CRYBA1: variants seen among roughly 807,000 people sequenced by gnomAD.
The protein encoded by CRYBA1 is beta-crystallin A3.
Under a neutral mutation model 36.2 loss-of-function variants are expected in CRYBA1, and 25 were observed. The observed-to-expected ratio is 0.69, with a 90% confidence interval of 0.50 to 0.97. The LOEUF is 0.97. Among genes scored for constraint, CRYBA1 ranks in the 50% least tolerant of loss-of-function variants. The pLI, the probability that CRYBA1 is intolerant of heterozygous loss-of-function variation, is 0.00. For synonymous variants in CRYBA1, 111 were observed against 90.0 expected, an observed-to-expected ratio of 1.23 and a Z score of -1.32; for missense variants, 224 against 276.3, an observed-to-expected ratio of 0.81 and a Z score of 1.34.
At chr17:29,251,845 T>C (rs1312211438) in intron 3 of CRYBA1, among the ~76,000 whole-genome samples, 1 of 152,170 alleles carries the variant, frequency 6.6e-6, no homozygotes, top group Non-Finnish European at 1.5e-5. Flanking sequence ...AGATAGACCT[T>C]TTCAGTGATA....
In CRYBA1 at chr17:29,254,437, A is replaced by G; in HGVS notation, c.*88A>G. 5.0e-6 allele frequency: 7 copies of G among 1,407,662 alleles called. No individual in the cohort carries two copies. Among genetic ancestry groups the G allele is most frequent in the South Asian group, 1.2e-5 (1 of 85,472 alleles). The allele number at this position is 1,407,662 out of a possible 1,614,324, so 87.2% of individuals were successfully genotyped here. On this transcript the variant is annotated 3_prime_UTR_variant, in exon 6 of 6. Coordinates refer to ENST00000225387, the MANE Select transcript of CRYBA1 (RefSeq NM_005208.5). ...TAAGTTTTATGTTCTGCTCACAGAC[A>G]TTGCTTTCAAATGTTAGCTGCTGAA...
chr17:29,248,416 G>A (rs1156525359), intron 1 of CRYBA1, among the ~76,000 whole-genome samples: 1 of 149,806 alleles, frequency 6.7e-6, no homozygotes, highest in Admixed American at 6.7e-5. Context: ...CCAAGCTGGA[G>A]TGCAGTGGCA....
intron 1 of CRYBA1, among the ~76,000 whole-genome samples, chr17:29,248,468 G>A (rs1185071862): frequency 2.7e-5 from 4 of 150,868 alleles, no homozygotes; most frequent in African/African-American, 4.9e-5. Flanking sequence ...GGGTTCAAGC[G>A]ATTCTCCTGC....
At chr17:29,252,343 A>T (rs2068941255) in intron 4 of CRYBA1, 138 bp downstream of exon 4, 2 of 1,243,094 alleles carry the variant, frequency 1.6e-6, no homozygotes, top group South Asian at 2.6e-5. Context: ...AAGAGAAAAC[A>T]TCACTTTCTT....
intron 1 of CRYBA1, 112 bp downstream of exon 1, chr17:29,247,006 G>A: frequency 8.3e-7 from 1 of 1,209,584 alleles, no homozygotes; most frequent in Non-Finnish European, 1.2e-6. Context: ...TAGGGTGGCT[G>A]GAGAAGAGTG....
At position 29,254,260 on chromosome 17, in the gene CRYBA1, C is replaced by T; in HGVS notation, c.559C>T (p.His187Tyr). The change falls in exon 6 of 6, where the codon CAT becomes TAT. Residue 187 changes from histidine (H) to tyrosine (Y), a missense_variant. Transcript: ENST00000225387. ...GTATCAGTATATCTTGGAATGTGAC[C>T]ATCATGGAGGAGACTATAAACATTG... ...RGYQYILECD[H>Y]HGGDYKHWRE... 1 of 1,613,992 alleles carries T rather than the reference C, an allele frequency of 6.2e-7. No homozygotes were observed. Among genetic ancestry groups the T allele is most frequent in the Non-Finnish European group, 8.5e-7 (1 of 1,179,970 alleles).
chr17:29,249,023 C>T, intron 1 of CRYBA1, 119 bp from the exon 2 acceptor site: 1 of 754,278 alleles, frequency 1.3e-6, no homozygotes, highest in Non-Finnish European at 2.4e-6. Flanking sequence ...AGCAGCAGAG[C>T]CAGAATTTCA....
rs1341785101 is a variant in CRYBA1, at chr17:29,253,581, TGAA to T, written c.358-55_358-53del. 8.6e-6 allele frequency: 12 copies of T among 1,398,724 alleles called. No homozygotes were observed. In the African/African-American group the frequency reaches 1.4e-4, roughly 17 times the overall value. The allele number at this position is 1,398,724 out of a possible 1,614,324, so 86.6% of individuals were successfully genotyped here. The stretch of plus-strand genomic sequence containing the variant: ...AAAAGTGTTTCAATTTTGAAAAACA[TGAA>T]GAATGATAGCCATAGCACTAGTACT... On this transcript the variant is annotated intron_variant, in intron 4 of 5. Coordinates refer to ENST00000225387, the MANE Select transcript of CRYBA1 (RefSeq NM_005208.5).
At chr17:29,247,218 T>G (rs1436676071) in intron 1 of CRYBA1, among the ~76,000 whole-genome samples, 2 of 152,116 alleles carry the variant, frequency 1.3e-5, no homozygotes, top group Non-Finnish European at 2.9e-5. Flanking sequence ...AGAGTTGACA[T>G]GCATCATTCC....
At chr17:29,249,096 C>A (rs776317220) in intron 1 of CRYBA1, 46 bp from the exon 2 acceptor site, 4 of 1,293,414 alleles carry the variant, frequency 3.1e-6, no homozygotes, top group East Asian at 4.6e-5. Context: ...CTCACCTCCC[C>A]CTCCTCCCAA....
intron 1 of CRYBA1, among the ~76,000 whole-genome samples, chr17:29,248,345 T>C (rs1175057673): frequency 6.6e-6 from 1 of 151,522 alleles, no homozygotes; most frequent in East Asian, 2.0e-4. Flanking sequence ...CCTGCATTAT[T>C]GTTTCTGATC....
In CRYBA1 at chr17:29,250,165, A is replaced by G. The variant is rs774390331; in HGVS notation, c.97-17A>G. 5 of 1,370,850 alleles carry G rather than the reference A, an allele frequency of 3.6e-6. No homozygotes were observed. In the Admixed American group the frequency reaches 8.4e-5, roughly 23 times the overall value. 84.9% of individuals were successfully genotyped at this position (1,370,850 alleles called of 1,614,324 possible). On this transcript the variant is annotated splice_polypyrimidine_tract_variant and intron_variant, in intron 2 of 5. Transcript: ENST00000225387. The stretch of plus-strand genomic sequence containing the variant: ...CCTGATGTTCTAGCTCTCTTGCGCC[A>G]TTCAATCTCATTTCAGATAACCATC...
chr17:29,251,303 C>T (rs1012873129), intron 3 of CRYBA1, among the ~76,000 whole-genome samples: 2 of 152,078 alleles, frequency 1.3e-5, no homozygotes, highest in East Asian at 1.9e-4. Context: ...AATACCATAA[C>T]GATAGCTGAT....
At chr17:29,250,377 G>C (rs1567670831) in intron 3 of CRYBA1, 77 bp downstream of exon 3, 5 of 859,112 alleles carry the variant, frequency 5.8e-6, no homozygotes, top group Admixed American at 1.7e-5. Context: ...GTGGGGATAG[G>C]GGAAGAAGGA....
intron 1 of CRYBA1, among the ~76,000 whole-genome samples, chr17:29,247,618 T>A (rs1309534583): frequency 6.6e-6 from 1 of 152,268 alleles, no homozygotes; most frequent in Non-Finnish European, 1.5e-5. Context: ...TCTCCACATG[T>A]GCTCAGCACG....
intron 4 of CRYBA1, 111 bp downstream of exon 4, chr17:29,252,316 A>G (rs2068940973): frequency 2.1e-6 from 3 of 1,434,864 alleles, no homozygotes; most frequent in African/African-American, 2.8e-5. Context: ...TGGCAGGAAA[A>G]AAGACAAAAG....
intron 3 of CRYBA1, among the ~76,000 whole-genome samples, chr17:29,251,487 GAAAA>G (rs148025725): frequency 1.3e-5 from 2 of 149,492 alleles, no homozygotes; most frequent in Non-Finnish European, 3.0e-5. Context: ...TGGAGAAAAA[GAAAA>G]AAAAATTTTT....
chr17:29,250,211 G>A lies in CRYBA1; in HGVS notation c.126G>A (p.Gln42=). The change falls in exon 3 of 6, where the codon CAG becomes CAA. Residue 42 remains glutamine, a synonymous_variant. Transcript: ENST00000225387. ...CCATCTATGATCAGGAGAACTTTCA[G>A]GGCAAGAGGATGGAGTTCACCAGCT... ...KITIYDQENF[Q]GKRMEFTSSC... is the part of the protein sequence containing the mutation. The A allele has an allele frequency of 6.2e-7, 1 of 1,609,642 alleles. No individual in the cohort carries two copies. Among genetic ancestry groups the A allele is most frequent in the Non-Finnish European group, 8.5e-7 (1 of 1,175,892 alleles).
chr17:29,250,574 T>C (rs1339412965), intron 3 of CRYBA1, among the ~76,000 whole-genome samples: 1 of 152,156 alleles, frequency 6.6e-6, no homozygotes, highest in Non-Finnish European at 1.5e-5. Flanking sequence ...AAAATTTTGC[T>C]TCTGGAGCTC....
Sources: gnomAD v4.1 joint callset for allele counts (sites outside exome capture counted in the v4.1 genomes callset) on GRCh38, gnomAD v4.1.1 for gene constraint, MANE v1.5 for transcripts, NCBI Gene and HGNC (gene_info 2026-07-23, HGNC 2026-07-21) for gene names.